Variants in PDE4D observed in about 807,000 individuals in gnomAD.
PDE4D encodes 3',5'-cyclic-AMP phosphodiesterase 4D.
In PDE4D, 24 loss-of-function variants were observed where a neutral mutation model predicts 87.4. That is an observed-to-expected ratio of 0.27 (90% CI 0.20 to 0.39). The LOEUF (loss-of-function observed/expected upper bound fraction) is 0.39. Among genes scored for constraint, PDE4D ranks in the 10% least tolerant of loss-of-function variants. The pLI is 1.00. For synonymous variants in PDE4D, 384 were observed against 383.2 expected (o/e 1.00, Z -0.02); for missense variants, 714 against 1,041.0 (o/e 0.69, Z 4.32).
chr5:59,362,644 G>A (rs1315469969), intron 1 of PDE4D, among the ~76,000 whole-genome samples: 1 of 152,126 alleles, frequency 6.6e-6, no homozygotes, highest in East Asian at 1.9e-4. Context: ...CCTAGAGACA[G>A]GTTGTTTAAT....
intron 2 of PDE4D, among the ~76,000 whole-genome samples, chr5:60,146,423 G>C (rs1379035224): frequency 1.3e-5 from 2 of 152,174 alleles, no homozygotes; most frequent in Non-Finnish European, 2.9e-5. Flanking sequence ...TCCAAGATCA[G>C]ACCAAGCTAT....
intron 1 of PDE4D, among the ~76,000 whole-genome samples, chr5:59,252,058 G>A (rs1297227693): frequency 6.6e-6 from 1 of 152,036 alleles, no homozygotes; most frequent in African/African-American, 2.4e-5. Context: ...GAGCAGAAAA[G>A]ATAACTATTA....
chr5:59,132,954 C>T (rs1776489711), intron 5 of PDE4D, among the ~76,000 whole-genome samples: 1 of 152,160 alleles, frequency 6.6e-6, no homozygotes, highest in African/African-American at 2.4e-5. Flanking sequence ...ATTTCTTTTG[C>T]TAACATTAGC....
At chr5:59,008,096 G>C (rs149157511) in intron 6 of PDE4D, among the ~76,000 whole-genome samples, 1 of 152,090 alleles carries the variant, frequency 6.6e-6, no homozygotes, top group African/African-American at 2.4e-5. Flanking sequence ...CCTAAAACCA[G>C]CAGCAGCAGC....
At chr5:59,519,071 T>A (rs1811712364) in intron 1 of PDE4D, among the ~76,000 whole-genome samples, 1 of 151,788 alleles carries the variant, frequency 6.6e-6, no homozygotes, top group Non-Finnish European at 1.5e-5. Context: ...CCCTACCATC[T>A]TTCTTCCCTT....
chr5:59,541,916 C>G (rs1171916534), intron 1 of PDE4D, among the ~76,000 whole-genome samples: 1 of 152,134 alleles, frequency 6.6e-6, no homozygotes, highest in East Asian at 1.9e-4. Context: ...ATGATCTACT[C>G]TTCTTCTCAG....
At chr5:59,148,272 A>T (rs1347652546) in intron 5 of PDE4D, among the ~76,000 whole-genome samples, 1 of 152,166 alleles carries the variant, frequency 6.6e-6, no homozygotes, top group East Asian at 1.9e-4. Flanking sequence ...GAAGAGAAAA[A>T]TTATATTGCA....
chr5:59,015,909 T>C (rs1455372153), intron 6 of PDE4D, among the ~76,000 whole-genome samples: 1 of 151,964 alleles, frequency 6.6e-6, no homozygotes, highest in Non-Finnish European at 1.5e-5. Context: ...ATTAAGAAAA[T>C]GTGGCACATA....
chr5:60,211,621 T>A (rs1280606018), intron 1 of PDE4D, among the ~76,000 whole-genome samples: 4 of 151,178 alleles, frequency 2.6e-5, no homozygotes, highest in Non-Finnish European at 5.9e-5. Flanking sequence ...CATTTTTATA[T>A]ATTTTTTCTC....
chr5:59,940,301 T>C (rs1029437925), intron 3 of PDE4D, among the ~76,000 whole-genome samples: 16 of 152,130 alleles, frequency 1.1e-4, no homozygotes, highest in African/African-American at 3.9e-4. Flanking sequence ...TAGATTTGAA[T>C]TTCAAAGGAT....
intron 1 of PDE4D, among the ~76,000 whole-genome samples, chr5:60,408,332 G>A (rs1741750329): frequency 6.6e-6 from 1 of 152,180 alleles, no homozygotes; most frequent in Non-Finnish European, 1.5e-5. Flanking sequence ...TCCCACCTCT[G>A]ATCTTTCTCT....
chr5:59,284,568 G>T (rs1766504265), intron 1 of PDE4D, among the ~76,000 whole-genome samples: 1 of 149,654 alleles, frequency 6.7e-6, no homozygotes, highest in South Asian at 2.2e-4. Context: ...AACAACAGGT[G>T]CTGGAGAGGA....
intron 1 of PDE4D, among the ~76,000 whole-genome samples, chr5:59,483,883 T>C (rs1253811738): frequency 1.3e-5 from 2 of 152,236 alleles, no homozygotes; most frequent in Non-Finnish European, 2.9e-5. Context: ...GTATACCCTC[T>C]TCTTCCATAT....
rs1342984011 is a variant in PDE4D, at chr5:60,195,355, A to G, written c.-89-9668T>C. Among the ~76,000 whole-genome samples the G allele has an allele frequency of 2.0e-5, 3 of 151,694 alleles. 1 individual carries two copies. The highest frequency in any genetic ancestry group is 2.0e-4 in the Admixed American group (3 of 15,204). The stretch of plus-strand genomic sequence containing the variant: ...ACTCTAAGTCCCTTGAGGTTAGAAA[A>G]CATTTCATGTTTATATATACAATTA... On this transcript the variant is annotated intron_variant, in intron 1 of 16. Transcript: ENST00000502484.
intron 2 of PDE4D, among the ~76,000 whole-genome samples, chr5:59,994,634 C>T (rs942744774): frequency 6.6e-6 from 1 of 152,068 alleles, no homozygotes; most frequent in African/African-American, 2.4e-5. Flanking sequence ...TAGCCCCTCA[C>T]CATGTGTTGA....
chr5:59,805,073 A>G (rs567453703), intron 1 of PDE4D, among the ~76,000 whole-genome samples: 1 of 152,310 alleles, frequency 6.6e-6, no homozygotes, highest in Non-Finnish European at 1.5e-5. Context: ...GATTACAGGC[A>G]TGAGCCACCG....
At chr5:59,141,783 C>A (rs1431095001) in intron 5 of PDE4D, among the ~76,000 whole-genome samples, 1 of 152,150 alleles carries the variant, frequency 6.6e-6, no homozygotes, top group Non-Finnish European at 1.5e-5. Context: ...GACCCGTAAC[C>A]CATTCATCTT....
At chr5:60,503,613 G>C (rs1266368282) in intron 1 of PDE4D, among the ~76,000 whole-genome samples, 2 of 151,990 alleles carry the variant, frequency 1.3e-5, no homozygotes, top group Non-Finnish European at 2.9e-5. Flanking sequence ...CTTTATTACT[G>C]GTATGTTTAT....
intron 1 of PDE4D, among the ~76,000 whole-genome samples, chr5:59,837,022 CT>C (rs1742226042): frequency 6.6e-6 from 1 of 151,988 alleles, no homozygotes; most frequent in Non-Finnish European, 1.5e-5. Context: ...ACTTTTGCTT[CT>C]CCATGTTACA....
Sources: allele counts gnomAD v4.1 joint callset (sites outside exome capture counted in the v4.1 genomes callset), GRCh38; gene constraint gnomAD v4.1.1; transcripts MANE v1.5; gene names NCBI Gene and HGNC (gene_info 2026-07-23, HGNC 2026-07-21).